The following LYRM4 variants were observed in gnomAD, a reference collection of about 807,000 sequenced individuals.
LYRM4 encodes LYR motif-containing protein 4.
In LYRM4, 9 loss-of-function variants were observed where a neutral mutation model predicts 11.7. The observed-to-expected ratio is 0.77, with a 90% confidence interval of 0.46 to 1.34. The LOEUF (loss-of-function observed/expected upper bound fraction) is 1.34. LYRM4 is among the 40% of genes most tolerant of loss of function. LYRM4 has a pLI of 0.00. For synonymous variants in LYRM4, 42 were observed against 40.4 expected, an observed-to-expected ratio of 1.04 and a Z score of -0.15; for missense variants, 133 against 112.5, an observed-to-expected ratio of 1.18 and a Z score of -0.82.
the LYRM4 span, among the ~76,000 whole-genome samples, chr6:5,082,543 T>C: frequency 6.6e-6 from 1 of 152,092 alleles, no homozygotes; most frequent in Non-Finnish European, 1.5e-5. Context: ...TGATTTTCAC[T>C]CCTAAATAGC....
intron 1 of LYRM4, among the ~76,000 whole-genome samples, chr6:5,239,420 G>T (rs540689874): frequency 6.6e-6 from 1 of 152,136 alleles, no homozygotes; most frequent in South Asian, 2.1e-4. Flanking sequence ...ATGCCCAGGA[G>T]GCCCCTGGAA....
chr6:5,151,791 A>G (rs1581387669), intron 2 of LYRM4, among the ~76,000 whole-genome samples: 1 of 152,254 alleles, frequency 6.6e-6, no homozygotes, highest in East Asian at 1.9e-4. Context: ...GATTACTGTC[A>G]TAATTAAATT....
chr6:5,118,453 T>C (rs1375316822), intron 2 of LYRM4, among the ~76,000 whole-genome samples: 2 of 152,116 alleles, frequency 1.3e-5, no homozygotes, highest in Non-Finnish European at 2.9e-5. Flanking sequence ...GCATATGGTC[T>C]CAGATGGCAC....
At chr6:5,060,250 A>G in the LYRM4 span, among the ~76,000 whole-genome samples, 1 of 152,224 alleles carries the variant, frequency 6.6e-6, no homozygotes, top group Non-Finnish European at 1.5e-5. Flanking sequence ...TTGCCCTCCA[A>G]AGAGTGAGCC....
chr6:5,046,936 C>A, the LYRM4 span, among the ~76,000 whole-genome samples: 1 of 152,050 alleles, frequency 6.6e-6, no homozygotes, highest in South Asian at 2.1e-4. Context: ...CAAAAGAATA[C>A]AAAAATTAGC....
Position 5,189,128 on chromosome 6 carries a change from T to C in LYRM4, c.207+27490A>G, listed in dbSNP as rs762388534. ...TGTCTTGCTGTTTTCCCGTACTGTA[T>C]TACATACAATTGTTATTAATATTTG... is the stretch of plus-strand genomic sequence containing the variant. On this transcript the variant is annotated intron_variant, in intron 2 of 2. Coordinates refer to ENST00000330636, the MANE Select transcript of LYRM4 (RefSeq NM_020408.6). Among the ~76,000 whole-genome samples, 5 of 152,370 alleles carry C rather than the reference T, an allele frequency of 3.3e-5. No individual in the cohort carries two copies. In the South Asian group the frequency reaches 1.0e-3, roughly 32 times the overall value.
rs1044706780 is a variant in LYRM4 at position 5,122,311 on chromosome 6, T to G, written c.208-12820A>C. ...GTTCCTGACTTTGTGGGCTTCCAGA[T>G]GGCGGGTAGCATTGAGATGTCACCA... is the stretch of plus-strand genomic sequence containing the variant. On this transcript the variant is annotated intron_variant, in intron 2 of 2. Coordinates refer to ENST00000330636, the MANE Select transcript of LYRM4 (RefSeq NM_020408.6). Among the ~76,000 whole-genome samples, 3 of 152,216 alleles carry G rather than the reference T, an allele frequency of 2.0e-5. No homozygotes were observed. In the South Asian group the frequency reaches 6.2e-4, roughly 32 times the overall value.
intron 2 of LYRM4, among the ~76,000 whole-genome samples, chr6:5,202,683 T>C (rs1211983705): frequency 1.3e-5 from 2 of 152,212 alleles, no homozygotes; most frequent in African/African-American, 2.4e-5. Flanking sequence ...CATAAGTTCG[T>C]ATGTATGTCA....
the LYRM4 span, among the ~76,000 whole-genome samples, chr6:5,074,055 C>T: frequency 0.73 from 111,306 of 152,044 alleles, 40,904 homozygotes; most frequent in East Asian, 0.9. Context: ...ATGTACACCA[C>T]TAAACTCATC....
chr6:5,157,981 G>A (rs563645049), intron 2 of LYRM4, among the ~76,000 whole-genome samples: 1 of 152,200 alleles, frequency 6.6e-6, no homozygotes, highest in Admixed American at 6.5e-5. Context: ...GACTTGACAG[G>A]GGGGCTGGCC....
At chr6:5,181,337 C>T (rs1373477050) in intron 2 of LYRM4, among the ~76,000 whole-genome samples, 1 of 152,186 alleles carries the variant, frequency 6.6e-6, no homozygotes, top group African/African-American at 2.4e-5. Flanking sequence ...CCTACTTTCC[C>T]CTCATTGCCC....
intron 1 of LYRM4, among the ~76,000 whole-genome samples, chr6:5,225,467 A>G (rs1161712327): frequency 6.6e-6 from 1 of 152,178 alleles, no homozygotes; most frequent in Non-Finnish European, 1.5e-5. Flanking sequence ...AAACGGTAGC[A>G]TTCTAAACAT....
the LYRM4 span, among the ~76,000 whole-genome samples, chr6:5,069,441 T>C: frequency 6.7e-6 from 1 of 150,148 alleles, no homozygotes; most frequent in Non-Finnish European, 1.5e-5. Context: ...AATACATATA[T>C]CATCAGCTAC....
chr6:5,209,522 C>T (rs1357039637), intron 2 of LYRM4, among the ~76,000 whole-genome samples: 1 of 152,132 alleles, frequency 6.6e-6, no homozygotes, highest in Admixed American at 6.5e-5. Flanking sequence ...GTGCTGCTGG[C>T]GTATGCTTTT....
intron 1 of LYRM4, among the ~76,000 whole-genome samples, chr6:5,239,984 C>T (rs943281213): frequency 1.3e-5 from 2 of 152,152 alleles, no homozygotes; most frequent in African/African-American, 4.8e-5. Flanking sequence ...GCTCATGCTG[C>T]CTGCCGCAGC....
At chr6:5,115,848 TAC>T (rs1330951099) in intron 2 of LYRM4, among the ~76,000 whole-genome samples, 1 of 152,116 alleles carries the variant, frequency 6.6e-6, no homozygotes, top group Non-Finnish European at 1.5e-5. Context: ...ATTAAGAGGA[TAC>T]AGAGATGCGT....
At chr6:5,066,721 C>G in the LYRM4 span, 1 of 813,606 alleles carries the variant, frequency 1.2e-6, no homozygotes, top group Non-Finnish European at 2.1e-6. Context: ...TTTCTCCATA[C>G]GATTTGCGCC....
the LYRM4 span, among the ~76,000 whole-genome samples, chr6:5,069,972 A>C: frequency 1.3e-5 from 2 of 152,226 alleles, no homozygotes; most frequent in Non-Finnish European, 2.9e-5. Context: ...CCATGCTGAC[A>C]CGTAATCACA....
At chr6:5,090,663 C>A in the LYRM4 span, among the ~76,000 whole-genome samples, 1 of 152,222 alleles carries the variant, frequency 6.6e-6, no homozygotes, top group East Asian at 1.9e-4. This position sits in a 1 kb window ranked among gnomAD's most constrained non-coding sequence, Gnocchi z 4.8. Context: ...AGTGTCCTTT[C>A]TTCTGCCTTG....
Sources: gnomAD v4.1 joint callset for allele counts (sites outside exome capture counted in the v4.1 genomes callset) on GRCh38, gnomAD v4.1.1 for gene constraint, Gnocchi (gnomAD v3.1) non-coding constraint, MANE v1.5 for transcripts, NCBI Gene and HGNC (gene_info 2026-07-23, HGNC 2026-07-21) for gene names.